The following GRM5 variants were observed in gnomAD, a reference collection of about 807,000 sequenced individuals.
GRM5 encodes the protein glutamate metabotropic receptor 5, also known as metabotropic glutamate receptor 5.
GRM5 carries 19 observed loss-of-function variants against 83.1 expected under a neutral mutation model. That is an observed-to-expected ratio of 0.23 (90% CI 0.16 to 0.34). The LOEUF is 0.34. GRM5 is among the 10% of genes least tolerant of loss of function. The pLI, the probability that GRM5 is intolerant of heterozygous loss-of-function variation, is 1.00. For missense variants in GRM5, 1,160 were observed against 1,588.3 expected (o/e 0.73, Z 4.58); for synonymous variants, 675 against 633.6 (o/e 1.07, Z -0.98).
rs191574824 is a variant in GRM5, at chr11:89,053,825, C to T, written c.-200-5753G>A. ...AAAAGAATTAAAGGAATGAGTCATGCAGATCTCTAGAGAAACAACATTCCA... is the reference window on the plus strand; with the variant it reads ...AAAAGAATTAAAGGAATGAGTCATGTAGATCTCTAGAGAAACAACATTCCA... On this transcript the variant is annotated intron_variant, in intron 1 of 9. Coordinates refer to ENST00000305447, the MANE Select transcript of GRM5 (RefSeq NM_001143831.3). 2.0e-5 allele frequency among the ~76,000 whole-genome samples: 3 copies of T among 152,214 alleles called. No individual in the cohort carries two copies. In the East Asian group the frequency reaches 5.8e-4, roughly 29 times the overall value.
intron 3 of GRM5, among the ~76,000 whole-genome samples, chr11:88,835,109 A>T (rs1313355461): frequency 6.6e-6 from 1 of 152,212 alleles, no homozygotes; most frequent in African/African-American, 2.4e-5. Flanking sequence ...GAAAAGAAGA[A>T]AACAGAAAAA....
At chr11:88,939,508 G>T (rs1264685980) in intron 2 of GRM5, among the ~76,000 whole-genome samples, 3 of 151,698 alleles carry the variant, frequency 2.0e-5, no homozygotes. Flanking sequence ...AACAAAGGAA[G>T]AAATCATGAT....
intron 1 of GRM5, among the ~76,000 whole-genome samples, chr11:89,051,868 T>C (rs552287815): frequency 6.6e-6 from 1 of 152,208 alleles, no homozygotes; most frequent in African/African-American, 2.4e-5. Flanking sequence ...TGTAATAATC[T>C]AGCAAGAAAT....
intron 4 of GRM5, among the ~76,000 whole-genome samples, chr11:88,623,518 T>A (rs1160924240): frequency 2.6e-5 from 4 of 152,222 alleles, no homozygotes; most frequent in African/African-American, 9.6e-5. Context: ...GCTTTTCTAA[T>A]TTTGATGGAC....
At chr11:88,819,210 C>T (rs1943743521) in intron 3 of GRM5, among the ~76,000 whole-genome samples, 1 of 152,184 alleles carries the variant, frequency 6.6e-6, no homozygotes, top group Non-Finnish European at 1.5e-5. Context: ...AATTTCTGAG[C>T]TTATGACCTT....
intron 3 of GRM5, among the ~76,000 whole-genome samples, chr11:88,816,587 C>T (rs1181906872): frequency 7.2e-6 from 1 of 138,998 alleles, no homozygotes; most frequent in Non-Finnish European, 1.6e-5. Context: ...GGAAACAGAA[C>T]AAATGAAGAT....
At chr11:88,547,818 A>G (rs1331478869) in intron 8 of GRM5, among the ~76,000 whole-genome samples, 4 of 152,200 alleles carry the variant, frequency 2.6e-5, no homozygotes, top group African/African-American at 2.4e-5. Flanking sequence ...AAAAATTAGC[A>G]TATTTTTATT....
At chr11:88,944,540 T>A (rs1938212855) in intron 2 of GRM5, among the ~76,000 whole-genome samples, 1 of 151,968 alleles carries the variant, frequency 6.6e-6, no homozygotes, top group Admixed American at 6.6e-5. Flanking sequence ...TACGTGCCTT[T>A]TTTTTCAAAT....
intron 2 of GRM5, among the ~76,000 whole-genome samples, chr11:88,870,660 G>C (rs1227746785): frequency 6.6e-6 from 1 of 151,514 alleles, no homozygotes; most frequent in East Asian, 1.9e-4. Context: ...TGTTTGAAAG[G>C]GAATCTTGTG....
intron 3 of GRM5, among the ~76,000 whole-genome samples, chr11:88,720,716 T>G (rs1442603094): frequency 1.3e-5 from 2 of 151,956 alleles, no homozygotes; most frequent in Non-Finnish European, 2.9e-5. Context: ...CTGTCTAATC[T>G]CCATTAAAAT....
At position 88,842,399 on chromosome 11, in the gene GRM5, T is replaced by G. The variant is rs530568698; in HGVS notation, c.911+7507A>C. ...TTATTAGTTCAACTTCCCAAAATAC[T>G]GGCTTATATGTCATGGGTTCATTTA... On this transcript the variant is annotated intron_variant, in intron 3 of 9. Transcript: ENST00000305447. Among the ~76,000 whole-genome samples, 5 of 152,348 alleles carry G rather than the reference T, an allele frequency of 3.3e-5. No homozygotes were observed. In the East Asian group the frequency reaches 9.6e-4, roughly 29 times the overall value.
At position 88,567,709 on chromosome 11, in the gene GRM5, G is replaced by A; in HGVS notation, c.1974C>T (p.Ser658=). The change falls in exon 8 of 10, where the codon AGC becomes AGT. Residue 658 remains serine (S), a synonymous_variant. Transcript: ENST00000305447. This position sits in a 1 kb window ranked among gnomAD's most constrained non-coding sequence, Gnocchi z 7.3. ...TGGTCTTTGTTACAAGGGCTGAGTA[G>A]CTCATGGCTGGGGAGAGACCAATGC... ...RIGIGLSPAM[S]YSALVTKTNR... is the part of the protein sequence containing the mutation. 1 of 1,614,110 alleles carries A rather than the reference G, an allele frequency of 6.2e-7. No individual in the cohort carries two copies. Among genetic ancestry groups the A allele is most frequent in the Non-Finnish European group, 8.5e-7 (1 of 1,179,994 alleles).
chr11:88,927,252 C>T (rs753374282), intron 2 of GRM5, among the ~76,000 whole-genome samples: 2 of 152,018 alleles, frequency 1.3e-5, no homozygotes, highest in Non-Finnish European at 2.9e-5. Flanking sequence ...GCTATTTACA[C>T]GTAGCCAAAT....
chr11:88,980,656 A>G (rs1283117076), intron 2 of GRM5, among the ~76,000 whole-genome samples: 1 of 151,996 alleles, frequency 6.6e-6, no homozygotes, highest in Non-Finnish European at 1.5e-5. Flanking sequence ...CCCCGTCTCT[A>G]CTAAAAAACA....
At chr11:88,962,961 C>T (rs1396208993) in intron 2 of GRM5, among the ~76,000 whole-genome samples, 10 of 152,160 alleles carry the variant, frequency 6.6e-5, no homozygotes, top group Admixed American at 2.0e-4. Flanking sequence ...TGGCGGCACA[C>T]GCCTGTAGTC....
chr11:88,794,740 T>C (rs1803901064), intron 3 of GRM5, among the ~76,000 whole-genome samples: 1 of 152,190 alleles, frequency 6.6e-6, no homozygotes, highest in Admixed American at 6.5e-5. Flanking sequence ...AGTGTTAAGG[T>C]GAAGCATCAT....
chr11:89,053,548 A>T (rs1941805738), intron 1 of GRM5, among the ~76,000 whole-genome samples: 1 of 152,192 alleles, frequency 6.6e-6, no homozygotes, highest in Non-Finnish European at 1.5e-5. Context: ...TCTATGCCCC[A>T]AGGATCCAGT....
intron 2 of GRM5, among the ~76,000 whole-genome samples, chr11:88,886,927 A>C (rs1945053815): frequency 1.3e-5 from 2 of 152,154 alleles, no homozygotes. Flanking sequence ...GGTCACCCTC[A>C]CCACAGGGAG....
chr11:88,507,217 A>G lies in GRM5; in HGVS notation c.*1375T>C, dbSNP rs2135067767. 1 of 152,324 alleles carries G rather than the reference A, an allele frequency of 6.6e-6. No individual in the cohort carries two copies. The highest frequency in any genetic ancestry group is 1.9e-4 in the East Asian group (1 of 5,194). The allele number at this position is 152,324 out of a possible 1,614,324, so 9.4% of individuals were successfully genotyped here. On this transcript the variant is annotated 3_prime_UTR_variant, in exon 10 of 10. Transcript: ENST00000305447. Reference sequence around the variant, plus strand: ...GTATGAAGTGCACAAAATCATATTAATCATTATTTTAAAAAAGAAAATAAG... The same window carrying G: ...GTATGAAGTGCACAAAATCATATTAGTCATTATTTTAAAAAAGAAAATAAG...
Sources: allele counts gnomAD v4.1 joint callset (sites outside exome capture counted in the v4.1 genomes callset), GRCh38; gene constraint gnomAD v4.1.1; non-coding constraint Gnocchi (gnomAD v3.1); transcripts MANE v1.5; gene names NCBI Gene and HGNC (gene_info 2026-07-23, HGNC 2026-07-21).